The following NRG1 variants were observed in gnomAD, a reference collection of about 807,000 sequenced individuals.
NRG1 encodes the protein pro-neuregulin-1, membrane-bound isoform.
A neutral mutation model predicts 63.8 loss-of-function variants in NRG1; 18 were observed. That is an observed-to-expected ratio of 0.28 (90% confidence interval 0.19 to 0.42). NRG1 has a LOEUF of 0.42. Ranked by LOEUF, NRG1 falls within the 10% of genes least tolerant of loss-of-function variation. The pLI, the probability that NRG1 is intolerant of heterozygous loss-of-function variation, is 1.00. For missense variants in NRG1, 762 were observed against 814.7 expected, an observed-to-expected ratio of 0.94 and a Z score of 0.79; for synonymous variants, 302 against 301.3, an observed-to-expected ratio of 1.00 and a Z score of -0.02.
chr8:31,975,600 T>C (rs1808034607), intron 1 of NRG1, among the ~76,000 whole-genome samples: 1 of 152,022 alleles, frequency 6.6e-6, no homozygotes, highest in Non-Finnish European at 1.5e-5. Context: ...AAGAAAAAAG[T>C]AAAGAAAGGA....
At chr8:32,665,625 T>C (rs1173667030) in intron 5 of NRG1, among the ~76,000 whole-genome samples, 2 of 152,180 alleles carry the variant, frequency 1.3e-5, no homozygotes. Context: ...AATCAGTGTA[T>C]TGGTGCTTAT....
intron 1 of NRG1, among the ~76,000 whole-genome samples, chr8:31,968,585 T>C (rs1456580626): frequency 6.6e-6 from 1 of 152,202 alleles, no homozygotes; most frequent in African/African-American, 2.4e-5. Flanking sequence ...TGACATATAG[T>C]ACCCCTTCAA....
intron 10 of NRG1, among the ~76,000 whole-genome samples, 192 bp downstream of exon 10, chr8:32,759,628 C>T (rs1046217623): frequency 2.6e-4 from 40 of 152,140 alleles, no homozygotes; most frequent in African/African-American, 9.4e-4. Flanking sequence ...TCCACAGGGC[C>T]GTTGTTTCCC....
chr8:31,784,243 C>T (rs118048857), intron 1 of NRG1, among the ~76,000 whole-genome samples: 13 of 152,300 alleles, frequency 8.5e-5, no homozygotes, highest in Non-Finnish European at 1.6e-4. Flanking sequence ...AACTTACTGT[C>T]ATCAAATTAA....
At chr8:32,031,526 G>T (rs1321340614) in intron 1 of NRG1, among the ~76,000 whole-genome samples, 2 of 152,010 alleles carry the variant, frequency 1.3e-5, no homozygotes, top group Non-Finnish European at 2.9e-5. Context: ...AAGATGGCAG[G>T]CCAGTCTCTG....
intron 1 of NRG1, among the ~76,000 whole-genome samples, chr8:32,467,426 G>A (rs919186670): frequency 3.3e-5 from 5 of 152,108 alleles, no homozygotes; most frequent in South Asian, 4.1e-4. Flanking sequence ...CCTTTTTATC[G>A]TAGGCTTGTC....
At chr8:32,105,045 T>C (rs1287061674) in intron 1 of NRG1, among the ~76,000 whole-genome samples, 1 of 152,172 alleles carries the variant, frequency 6.6e-6, no homozygotes, top group African/African-American at 2.4e-5. Flanking sequence ...TATAATTGCA[T>C]GTGCTAGACT....
intron 1 of NRG1, among the ~76,000 whole-genome samples, chr8:31,673,335 G>A (rs867332397): frequency 2.6e-5 from 4 of 152,080 alleles, no homozygotes; most frequent in Non-Finnish European, 1.5e-5. Context: ...TGCTGGCCAC[G>A]TGGTCCTTGA....
At chr8:32,457,351 C>G (rs1343044200) in intron 1 of NRG1, among the ~76,000 whole-genome samples, 1 of 152,038 alleles carries the variant, frequency 6.6e-6, no homozygotes, top group African/African-American at 2.4e-5. Context: ...TCATGTATGG[C>G]CTGATTCTTT....
intron 5 of NRG1, among the ~76,000 whole-genome samples, chr8:32,682,051 A>T (rs943862318): frequency 6.6e-6 from 1 of 152,168 alleles, no homozygotes; most frequent in Non-Finnish European, 1.5e-5. Context: ...AATAAATGTT[A>T]CTATTTTCAT....
intron 1 of NRG1, among the ~76,000 whole-genome samples, chr8:31,849,937 A>C (rs1169550921): frequency 1.3e-5 from 2 of 152,238 alleles, no homozygotes; most frequent in African/African-American, 4.8e-5. Flanking sequence ...GTGAGAAAGT[A>C]ATAAAGTGTA....
chr8:32,246,630 A>G (rs1190709161), intron 1 of NRG1, among the ~76,000 whole-genome samples: 1 of 152,214 alleles, frequency 6.6e-6, no homozygotes, highest in Non-Finnish European at 1.5e-5. Context: ...AAGCCTTAAA[A>G]ATTACTTTGA....
exon 12 of NRG1, chr8:32,764,163 G>A (rs758122819): frequency 1.2e-6 from 2 of 1,614,134 alleles, no homozygotes; most frequent in Non-Finnish European, 1.7e-6. Flanking sequence ...CAGATTGGAA[G>A]TGGACAGCAA....
chr8:32,117,492 T>A (rs1832891529), intron 1 of NRG1, among the ~76,000 whole-genome samples: 1 of 151,976 alleles, frequency 6.6e-6, no homozygotes, highest in East Asian at 1.9e-4. Context: ...AACATAAGGG[T>A]AGCCATGACT....
intron 1 of NRG1, among the ~76,000 whole-genome samples, chr8:32,495,531 C>T (rs1294557987): frequency 4.0e-5 from 6 of 151,444 alleles, no homozygotes; most frequent in East Asian, 1.9e-4. Context: ...GGTGTGATCT[C>T]GGCTCACTGA....
At chr8:32,564,362 T>G (rs1045845400) in intron 1 of NRG1, among the ~76,000 whole-genome samples, 8 of 152,076 alleles carry the variant, frequency 5.3e-5, no homozygotes, top group African/African-American at 1.9e-4. Flanking sequence ...TCAATCCCAC[T>G]TTTTTTTCTC....
At chr8:32,608,267 C>T (rs929224735) in intron 3 of NRG1, among the ~76,000 whole-genome samples, 1 of 151,646 alleles carries the variant, frequency 6.6e-6, no homozygotes, top group Admixed American at 6.6e-5. Flanking sequence ...CAACCTCTGA[C>T]TCCTGGACTG....
chr8:32,386,868 G>A (rs575580730), intron 1 of NRG1, among the ~76,000 whole-genome samples: 4 of 152,156 alleles, frequency 2.6e-5, no homozygotes, highest in South Asian at 4.1e-4. Context: ...CTATTATGCA[G>A]TTAAACTGTG....
intron 1 of NRG1, among the ~76,000 whole-genome samples, chr8:32,417,512 C>T (rs1816086406): frequency 6.6e-6 from 1 of 151,982 alleles, no homozygotes; most frequent in Admixed American, 6.6e-5. Flanking sequence ...GTGTGACCTC[C>T]CAAGCATGAC....
Sources: allele counts gnomAD v4.1 joint callset (sites outside exome capture counted in the v4.1 genomes callset), GRCh38; gene constraint gnomAD v4.1.1; transcripts MANE v1.5; gene names NCBI Gene and HGNC (gene_info 2026-07-23, HGNC 2026-07-21).